OR7C1: variants seen among roughly 807,000 people sequenced by gnomAD.
The protein encoded by OR7C1 is olfactory receptor family 7 subfamily C member 1.
For missense variants in OR7C1, 324 were observed against 383.3 expected, an observed-to-expected ratio of 0.85 and a Z score of 1.29; for synonymous variants, 152 against 160.7, an observed-to-expected ratio of 0.95 and a Z score of 0.41.
chr19:14,820,838 A>G (rs1230440276), intron 1 of OR7C1, among the ~76,000 whole-genome samples: 1 of 152,226 alleles, frequency 6.6e-6, no homozygotes, highest in African/African-American at 2.4e-5. Flanking sequence ...GAATTGGACT[A>G]GAGAGTGCCC....
Position 14,799,790 on chromosome 19 carries a change from G to T in OR7C1, c.347C>A (p.Thr116Asn), listed in dbSNP as rs780942309. The stretch of plus-strand genomic sequence containing the variant: ...CACGAAGCGGTCATAGGCCATCACG[G>T]TCAAGAGTAAATTGTCCAGGCATCC... The change falls in exon 5 of 5, where the codon ACC becomes AAC. Residue 116 changes from threonine (T) to asparagine (N), a missense_variant. Coordinates refer to ENST00000641666, the Ensembl canonical transcript of OR7C1. The T allele has an allele frequency of 1.7e-5, 28 of 1,613,900 alleles. No individual in the cohort carries two copies. Among genetic ancestry groups the T allele is most frequent in the Non-Finnish European group, 2.4e-5 (28 of 1,179,906 alleles).
intron 2 of OR7C1, among the ~76,000 whole-genome samples, chr19:14,802,681 T>C (rs1333225176): frequency 6.6e-6 from 1 of 151,658 alleles, no homozygotes; most frequent in Non-Finnish European, 1.5e-5. Context: ...AGCATATGAG[T>C]AGTGGTAAAT....
At chr19:14,833,296 T>C (rs889829289) in intron 1 of OR7C1, among the ~76,000 whole-genome samples, 1 of 152,220 alleles carries the variant, frequency 6.6e-6, no homozygotes, top group Non-Finnish European at 1.5e-5. Flanking sequence ...CTGGGCAATA[T>C]GGCGAAACGC....
At chr19:14,815,534 C>T (rs2044712011) in intron 1 of OR7C1, among the ~76,000 whole-genome samples, 1 of 152,180 alleles carries the variant, frequency 6.6e-6, no homozygotes, top group African/African-American at 2.4e-5. Flanking sequence ...GCTATGCTTC[C>T]CACTCTGTGG....
intron 1 of OR7C1, among the ~76,000 whole-genome samples, chr19:14,814,121 A>C (rs2044705400): frequency 6.6e-6 from 1 of 152,094 alleles, no homozygotes; most frequent in Non-Finnish European, 1.5e-5. Context: ...CTGGGCAATA[A>C]TTTTTGGGAA....
rs183988091 is a variant in OR7C1 at position 14,804,978 on chromosome 19, C to A, written c.-434-4214G>T. ...CCTTGACCTCCTGGGCTCAAGCAAT[C>A]CTCACATGTCAGCCTCCAAAGTAGC... is the stretch of plus-strand genomic sequence containing the variant. On this transcript the variant is annotated intron_variant, in intron 2 of 4. Coordinates refer to ENST00000641666, the Ensembl canonical transcript of OR7C1. Among the ~76,000 whole-genome samples, 4 of 151,560 alleles carry A rather than the reference C, an allele frequency of 2.6e-5. No individual in the cohort carries two copies. The East Asian group carries it at 7.8e-4, about 29-fold the overall frequency.
At position 14,803,979 on chromosome 19, in the gene OR7C1, GA is replaced by G. The variant is rs1467151988; in HGVS notation, c.-434-3216del. ...CTGCCTCGGCCTCCGAAAGTGCTGG[GA>G]TTACAGGCGTGAACCACCGTGCCTG... On this transcript the variant is annotated intron_variant, in intron 2 of 4. Transcript: ENST00000641666. Among the ~76,000 whole-genome samples, 7 of 152,136 alleles carry G rather than the reference GA, an allele frequency of 4.6e-5. No individual in the cohort carries two copies. In the East Asian group the frequency reaches 1.4e-3, roughly 29 times the overall value.
At chr19:14,820,976 G>A (rs1156310724) in intron 1 of OR7C1, among the ~76,000 whole-genome samples, 9 of 152,116 alleles carry the variant, frequency 5.9e-5, no homozygotes, top group Non-Finnish European at 2.9e-5. Flanking sequence ...TGTGTGGGCC[G>A]GGCATGGTGG....
intron 1 of OR7C1, chr19:14,824,904 T>C (rs183866009): frequency 1.1e-3 from 164 of 152,344 alleles, no homozygotes; most frequent in African/African-American, 3.8e-3. Flanking sequence ...AATGCTACAT[T>C]ATTTCACTTA....
At chr19:14,824,887 A>T (rs2044758017) in intron 1 of OR7C1, 1 of 152,222 alleles carries the variant, frequency 6.6e-6, no homozygotes, top group African/African-American at 2.4e-5. Context: ...CAGAGAGAGG[A>T]ATAAAAAATG....
chr19:14,813,387 C>T (rs1224267274), intron 1 of OR7C1, among the ~76,000 whole-genome samples: 2 of 151,752 alleles, frequency 1.3e-5, no homozygotes, highest in African/African-American at 2.4e-5. Context: ...AACCCTGTCT[C>T]TACTAAAAAT....
rs189337078 is a variant in OR7C1 at position 14,809,081 on chromosome 19, G to A, written c.-435+725C>T. ...AACAAATAAATCAATGGTGTGTTTCGAGTGACACTCAGCCCTGAATTTGAC... is the reference window on the plus strand; with the variant it reads ...AACAAATAAATCAATGGTGTGTTTCAAGTGACACTCAGCCCTGAATTTGAC... On this transcript the variant is annotated intron_variant, in intron 2 of 4. Coordinates refer to ENST00000641666, the Ensembl canonical transcript of OR7C1. Among the ~76,000 whole-genome samples, 25 of 151,974 alleles carry A rather than the reference G, an allele frequency of 1.6e-4. 1 individual carries two copies. Among genetic ancestry groups the A allele is most frequent in the Admixed American group, 7.2e-4 (11 of 15,282 alleles).
chr19:14,822,890 G>A (rs917436068), intron 1 of OR7C1, among the ~76,000 whole-genome samples: 3 of 151,100 alleles, frequency 2.0e-5, no homozygotes, highest in Non-Finnish European at 4.4e-5. Context: ...TTGATGTTGA[G>A]TTTCTTCTAT....
intron 1 of OR7C1, chr19:14,827,290 ACTT>A (rs1280028271): frequency 2.0e-5 from 31 of 1,547,798 alleles, no homozygotes; most frequent in Non-Finnish European, 2.5e-5. Context: ...AATCATGGGC[ACTT>A]CTTGAAAAAT....
At chr19:14,800,044 G>A (rs1258413579) in exon 5 of OR7C1, 9 of 1,613,936 alleles carry the variant, frequency 5.6e-6, no homozygotes, top group African/African-American at 1.3e-5. Flanking sequence ...ACATGGAGAG[G>A]AACAGCCCAA....
intron 1 of OR7C1, chr19:14,828,125 C>T: frequency 6.2e-7 from 1 of 1,614,064 alleles, no homozygotes; most frequent in Non-Finnish European, 8.5e-7. Flanking sequence ...GGTTCCCGAG[C>T]ACAGTGACCA....
chr19:14,827,558 G>A lies in OR7C1; in HGVS notation c.-623+7516C>T, dbSNP rs781505112. ...CCTTGTACTTCCCCTGAGCTGATGA[G>A]ATTGCATGTATGGAAGAAATTATCT... On this transcript the variant is annotated intron_variant, in intron 1 of 4. Coordinates refer to ENST00000641666, the Ensembl canonical transcript of OR7C1. 8 of 1,614,162 alleles carry A rather than the reference G, an allele frequency of 5.0e-6. No homozygotes were observed. In the Admixed American group the frequency reaches 1.0e-4, roughly 20 times the overall value.
chr19:14,811,684 A>AT (rs1198016121), intron 1 of OR7C1, among the ~76,000 whole-genome samples: 1 of 151,490 alleles, frequency 6.6e-6, no homozygotes, highest in African/African-American at 2.4e-5. Context: ...TAGTTTGCTG[A>AT]CCCCCAGCTT....
intron 1 of OR7C1, chr19:14,827,321 C>T: frequency 6.4e-7 from 1 of 1,572,890 alleles, no homozygotes; most frequent in Non-Finnish European, 8.6e-7. Flanking sequence ...TCATTGTTCC[C>T]CACAACAAAT....
Sources: allele counts gnomAD v4.1 joint callset (sites outside exome capture counted in the v4.1 genomes callset), GRCh38; gene constraint gnomAD v4.1.1; transcripts MANE v1.5; gene names NCBI Gene and HGNC (gene_info 2026-07-23, HGNC 2026-07-21).